Variants in GRIP1 observed in about 807,000 individuals in gnomAD.
GRIP1 encodes the protein glutamate receptor-interacting protein 1.
In GRIP1, 45 loss-of-function variants were observed where a neutral mutation model predicts 129.9. That is an observed-to-expected ratio of 0.35 (90% confidence interval 0.27 to 0.44). The LOEUF (loss-of-function observed/expected upper bound fraction) is 0.44, where lower values mean the gene tolerates loss of function less well. Ranked by LOEUF, GRIP1 falls within the 20% of genes least tolerant of loss-of-function variation. The pLI, the probability that GRIP1 is intolerant of heterozygous loss-of-function variation, is 1.00. For synonymous variants in GRIP1, 530 were observed against 520.8 expected (o/e 1.02, Z -0.24); for missense variants, 1,196 against 1,396.8 (o/e 0.86, Z 2.29).
At chr12:66,833,387 C>T (rs982799199) in intron 1 of GRIP1, among the ~76,000 whole-genome samples, 1 of 152,196 alleles carries the variant, frequency 6.6e-6, no homozygotes, top group Non-Finnish European at 1.5e-5. Flanking sequence ...AAAGTCCCCA[C>T]CATTCCCCAG....
At chr12:66,937,869 G>C (rs2041513360) in intron 1 of GRIP1, among the ~76,000 whole-genome samples, 2 of 152,140 alleles carry the variant, frequency 1.3e-5, no homozygotes, top group African/African-American at 4.8e-5. Flanking sequence ...TAAGGGAAAG[G>C]CTCTGAAATA....
At chr12:66,473,992 G>A (rs996413096) in intron 7 of GRIP1, among the ~76,000 whole-genome samples, 1 of 152,078 alleles carries the variant, frequency 6.6e-6, no homozygotes, top group African/African-American at 2.4e-5. Context: ...TTGATGAACT[G>A]ACAGAAGTAG....
At chr12:67,039,324 A>G (rs1047560482) in intron 1 of GRIP1, among the ~76,000 whole-genome samples, 4 of 152,232 alleles carry the variant, frequency 2.6e-5, no homozygotes, top group African/African-American at 9.6e-5. Flanking sequence ...TCTTTTTCAC[A>G]TTCCATATAC....
intron 1 of GRIP1, among the ~76,000 whole-genome samples, chr12:66,638,942 T>C (rs2031669021): frequency 6.6e-6 from 1 of 152,210 alleles, no homozygotes; most frequent in Non-Finnish European, 1.5e-5. Context: ...TGTTTCAGTT[T>C]CTTTGTGAAA....
chr12:66,643,441 A>G (rs187461346), intron 1 of GRIP1, among the ~76,000 whole-genome samples: 192 of 152,362 alleles, frequency 1.3e-3, no homozygotes, highest in Middle Eastern at 3.4e-3. Context: ...ATAGTCACAA[A>G]TATCAGTACA....
At chr12:66,816,049 AAAGG>A (rs1355246940) in intron 1 of GRIP1, among the ~76,000 whole-genome samples, 1 of 152,124 alleles carries the variant, frequency 6.6e-6, no homozygotes, top group East Asian at 1.9e-4. Flanking sequence ...GTTCTAGCAC[AAAGG>A]AAGAGAAAAA....
intron 23 of GRIP1, among the ~76,000 whole-genome samples, chr12:66,358,509 C>T (rs530666155): frequency 1.6e-4 from 25 of 152,248 alleles, no homozygotes; most frequent in African/African-American, 5.8e-4. Context: ...TGCAGTGGCG[C>T]GATCTCGGCT....
chr12:66,831,565 C>CT (rs1396917984), intron 1 of GRIP1, among the ~76,000 whole-genome samples: 1 of 152,174 alleles, frequency 6.6e-6, no homozygotes, highest in Non-Finnish European at 1.5e-5. Context: ...ACAAGCAACA[C>CT]TTCAAAGCCG....
intron 1 of GRIP1, among the ~76,000 whole-genome samples, chr12:66,790,489 A>T (rs768056263): frequency 1.3e-5 from 2 of 152,196 alleles, no homozygotes; most frequent in Non-Finnish European, 2.9e-5. Context: ...TGTGAAATAA[A>T]ATAAAATTAA....
intron 1 of GRIP1, among the ~76,000 whole-genome samples, chr12:66,706,437 C>A (rs1393198550): frequency 6.6e-6 from 1 of 152,104 alleles, no homozygotes; most frequent in African/African-American, 2.4e-5. Context: ...ATTAGTTCAA[C>A]CATTGTGGAA....
intron 1 of GRIP1, among the ~76,000 whole-genome samples, chr12:66,878,176 G>C (rs1014782285): frequency 1.3e-5 from 2 of 152,008 alleles, no homozygotes; most frequent in Admixed American, 6.6e-5. Flanking sequence ...GGCTGCTATG[G>C]AGTGGGATGG....
chr12:66,451,781 T>A (rs2058815183), intron 11 of GRIP1, among the ~76,000 whole-genome samples: 1 of 152,188 alleles, frequency 6.6e-6, no homozygotes, highest in South Asian at 2.1e-4. Flanking sequence ...TATCATGTGA[T>A]CTGGTTCAGG....
At chr12:66,821,255 T>C (rs2039312622) in intron 1 of GRIP1, among the ~76,000 whole-genome samples, 1 of 152,196 alleles carries the variant, frequency 6.6e-6, no homozygotes, top group Non-Finnish European at 1.5e-5. Context: ...TAGAGACAAG[T>C]TAGCAAATTT....
intron 1 of GRIP1, among the ~76,000 whole-genome samples, chr12:66,779,355 A>G (rs2038085282): frequency 6.6e-6 from 1 of 152,094 alleles, no homozygotes; most frequent in Non-Finnish European, 1.5e-5. Flanking sequence ...TTTAGAAATG[A>G]TTTTAGTTCT....
chr12:66,972,106 T>C (rs922212181), intron 1 of GRIP1, among the ~76,000 whole-genome samples: 1 of 152,156 alleles, frequency 6.6e-6, no homozygotes, highest in South Asian at 2.1e-4. Context: ...CATTAACCAG[T>C]TGTGGGTCTT....
intron 2 of GRIP1, among the ~76,000 whole-genome samples, chr12:66,595,781 A>G (rs538028065): frequency 2.0e-5 from 3 of 152,348 alleles, no homozygotes; most frequent in East Asian, 1.9e-4. Flanking sequence ...ATGTGTCTTC[A>G]TAAGTCCTAT....
chr12:66,579,223 C>A (rs1171161620), intron 2 of GRIP1, among the ~76,000 whole-genome samples: 12 of 152,182 alleles, frequency 7.9e-5, no homozygotes, highest in African/African-American at 2.9e-4. Flanking sequence ...GGAAAACTAA[C>A]AAAGAGAAAG....
At chr12:66,705,045 ACAG>A (rs2136370911) in intron 1 of GRIP1, among the ~76,000 whole-genome samples, 1 of 152,212 alleles carries the variant, frequency 6.6e-6, no homozygotes, top group African/African-American at 2.4e-5. Context: ...CCATCAATTA[ACAG>A]AGCCCTTACT....
intron 1 of GRIP1, among the ~76,000 whole-genome samples, chr12:66,854,105 A>AT (rs1480998696): frequency 6.6e-6 from 1 of 152,068 alleles, no homozygotes; most frequent in Non-Finnish European, 1.5e-5. Context: ...CACTAGGAAT[A>AT]TAAATAAGGT....
Sources: allele counts gnomAD v4.1 joint callset (sites outside exome capture counted in the v4.1 genomes callset), GRCh38; gene constraint gnomAD v4.1.1; transcripts MANE v1.5; gene names NCBI Gene and HGNC (gene_info 2026-07-23, HGNC 2026-07-21).